Variants in CPM observed in about 807,000 individuals in gnomAD.
The protein encoded by CPM is carboxypeptidase M, also known as renal carboxypeptidase.
A neutral mutation model predicts 46.4 loss-of-function variants in CPM; 35 were observed. The ratio of observed to expected loss-of-function variants is 0.75; its 90% CI spans 0.58 to 1.00. The LOEUF (loss-of-function observed/expected upper bound fraction) is 1.00, where lower values mean the gene tolerates loss of function less well. Ranked by LOEUF, CPM falls within the 50% of genes least tolerant of loss-of-function variation. The probability of loss-of-function intolerance (pLI) is 0.00; values close to 1 mark genes in which losing one functional copy is unlikely to be tolerated. For synonymous variants in CPM, 195 were observed against 195.3 expected, an observed-to-expected ratio of 1.00 and a Z score of 0.01; for missense variants, 422 against 530.4, an observed-to-expected ratio of 0.80 and a Z score of 2.01.
intron 6 of CPM, among the ~76,000 whole-genome samples, chr12:68,868,521 C>T (rs1885555707): frequency 6.6e-6 from 1 of 152,154 alleles, no homozygotes; most frequent in Admixed American, 6.5e-5. Flanking sequence ...CATGGAAATC[C>T]AGTTCCAGTC....
chr12:68,876,809 T>TA (rs934258872), intron 3 of CPM, among the ~76,000 whole-genome samples: 9 of 151,762 alleles, frequency 5.9e-5, no homozygotes, highest in Non-Finnish European at 7.4e-5. Flanking sequence ...GAATGTTTAT[T>TA]AAAAAAAACA....
rs1340911193 is a variant in CPM, at chr12:68,852,444, C to T, written c.*3993G>A. On this transcript the variant is annotated 3_prime_UTR_variant, in exon 9 of 9. Transcript: ENST00000551568. ...AAAATGTAGCATCTCTTACCAGTCA[C>T]AGAATCACCGTTCAGCGTGGCGGGG... is the stretch of plus-strand genomic sequence containing the variant. The T allele has an allele frequency of 6.6e-6, 1 of 152,172 alleles. No individual in the cohort carries two copies. Among genetic ancestry groups the T allele is most frequent in the Non-Finnish European group, 1.5e-5 (1 of 68,048 alleles). The allele number at this position is 152,172 out of a possible 1,614,324, so 9.4% of individuals were successfully genotyped here.
chr12:68,894,947 T>G (rs1416225972), intron 2 of CPM, among the ~76,000 whole-genome samples: 9 of 147,154 alleles, frequency 6.1e-5, no homozygotes, highest in African/African-American at 2.3e-4. Context: ...GAGAATCACT[T>G]GAACCTGGGA....
intron 3 of CPM, among the ~76,000 whole-genome samples, chr12:68,874,699 G>A (rs1351615145): frequency 5.3e-5 from 8 of 152,170 alleles, no homozygotes; most frequent in African/African-American, 1.9e-4. Context: ...AGGAAGGTGA[G>A]GAGGAAGTGA....
chr12:68,873,122 T>TAAATGAGA (rs1055265783), intron 3 of CPM, among the ~76,000 whole-genome samples: 1 of 152,252 alleles, frequency 6.6e-6, no homozygotes, highest in African/African-American at 2.4e-5. Context: ...GAGGGGTTAG[T>TAAATGAGA]AAATGAGAAC....
At chr12:68,934,391 G>A (rs75561573), upstream of CPM, among the ~76,000 whole-genome samples, 3,858 of 152,182 alleles carry the variant, frequency 0.025, 156 homozygotes, top group African/African-American at 0.088. Context: ...TAGATTCCCT[G>A]CCCCTTCTTT....
intron 8 of CPM, among the ~76,000 whole-genome samples, chr12:68,857,478 T>C (rs1279400848): frequency 6.6e-6 from 1 of 152,144 alleles, no homozygotes; most frequent in Non-Finnish European, 1.5e-5. Context: ...TTAAAAGCTT[T>C]GATTTTACCT....
chr12:68,911,756 G>A lies in CPM; in HGVS notation c.160+20922C>T, dbSNP rs529532721. The stretch of plus-strand genomic sequence containing the variant: ...TTATTTAGCCCTCTCGACAACCTAC[G>A]AGGTAGAACTATTATTTCTATTTTA... On this transcript the variant is annotated intron_variant, in intron 2 of 8. Transcript: ENST00000551568. Among the ~76,000 whole-genome samples, 6 of 152,262 alleles carry A rather than the reference G, an allele frequency of 3.9e-5. No individual in the cohort carries two copies. The South Asian group carries it at 8.3e-4, about 21-fold the overall frequency.
intron 3 of CPM, among the ~76,000 whole-genome samples, chr12:68,878,353 T>C (rs561242573): frequency 5.3e-5 from 8 of 152,340 alleles, no homozygotes; most frequent in African/African-American, 1.7e-4. Context: ...TTAGGAGTTA[T>C]GCAGCCAGAG....
At chr12:68,877,329 A>G (rs1886002741) in intron 3 of CPM, among the ~76,000 whole-genome samples, 2 of 152,158 alleles carry the variant, frequency 1.3e-5, no homozygotes, top group Admixed American at 1.3e-4. Context: ...CTCCTGGTAT[A>G]TCATGTATTC....
intron 2 of CPM, among the ~76,000 whole-genome samples, chr12:68,892,582 G>A (rs575146465): frequency 2.6e-5 from 4 of 152,174 alleles, no homozygotes; most frequent in Non-Finnish European, 4.4e-5. Context: ...TAGGTAGGCC[G>A]GGCGTGGTGG....
At chr12:68,846,547 T>C (rs1333478822), downstream of CPM, 1 of 152,184 alleles carries the variant, frequency 6.6e-6, no homozygotes, top group African/African-American at 2.4e-5. Context: ...ATCACAGTAA[T>C]ATCTCCCTAA....
chr12:68,914,709 C>T (rs1182856405), intron 2 of CPM, among the ~76,000 whole-genome samples: 1 of 152,074 alleles, frequency 6.6e-6, no homozygotes, highest in Non-Finnish European at 1.5e-5. Flanking sequence ...GGAATGCATC[C>T]CCAAGCGGTC....
intron 1 of CPM, among the ~76,000 whole-genome samples, chr12:68,948,227 T>A (rs1888878538): frequency 6.6e-6 from 1 of 152,204 alleles, no homozygotes; most frequent in African/African-American, 2.4e-5. Context: ...AATATAGGGG[T>A]CAGATAAATA....
At chr12:68,902,142 T>G (rs923023378) in intron 2 of CPM, among the ~76,000 whole-genome samples, 4 of 152,122 alleles carry the variant, frequency 2.6e-5, no homozygotes, top group African/African-American at 9.7e-5. Flanking sequence ...ATGAGCTTTG[T>G]TTACCTTTTT....
At chr12:68,901,899 G>A (rs1566305) in intron 2 of CPM, among the ~76,000 whole-genome samples, 3,057 of 152,208 alleles carry the variant, frequency 0.02, 90 homozygotes, top group African/African-American at 0.071. Context: ...GGAGAGGGGA[G>A]GGGATGGCAC....
chr12:68,959,295 A>C (rs1889074763), intron 1 of CPM, among the ~76,000 whole-genome samples: 1 of 152,206 alleles, frequency 6.6e-6, no homozygotes, highest in South Asian at 2.1e-4. Flanking sequence ...TCCTCTCCAT[A>C]GACTGCAACC....
chr12:68,902,674 C>T (rs1032436010), intron 2 of CPM, among the ~76,000 whole-genome samples: 1 of 152,170 alleles, frequency 6.6e-6, no homozygotes, highest in Non-Finnish European at 1.5e-5. Flanking sequence ...ATCATTTAAT[C>T]CTCAACAGAA....
At chr12:68,915,504 C>T (rs1360586284) in intron 2 of CPM, among the ~76,000 whole-genome samples, 1 of 152,212 alleles carries the variant, frequency 6.6e-6, no homozygotes, top group Non-Finnish European at 1.5e-5. Flanking sequence ...TGGTAATATC[C>T]AAACCTTTGT....
Sources: allele counts gnomAD v4.1 joint callset (sites outside exome capture counted in the v4.1 genomes callset), GRCh38; gene constraint gnomAD v4.1.1; transcripts MANE v1.5; gene names NCBI Gene and HGNC (gene_info 2026-07-23, HGNC 2026-07-21).